SLC9A9: variants seen among roughly 807,000 people sequenced by gnomAD.
The protein encoded by SLC9A9 is sodium/hydrogen exchanger 9.
A neutral mutation model predicts 77.8 loss-of-function variants in SLC9A9; 62 were observed. The observed-to-expected ratio is 0.80, with a 90% CI of 0.65 to 0.98. SLC9A9 has a LOEUF of 0.98. Among genes scored for constraint, SLC9A9 ranks in the 50% least tolerant of loss-of-function variants. SLC9A9 has a pLI of 0.00. For missense variants in SLC9A9, 775 were observed against 774.9 expected (o/e 1.00, Z 0.00); for synonymous variants, 320 against 283.5 (o/e 1.13, Z -1.29).
chr3:143,517,964 A>ATT, intron 9 of SLC9A9: 1 of 1,460,476 alleles, frequency 6.8e-7, no homozygotes, highest in African/African-American at 1.4e-5. Flanking sequence ...GTCTGGTTCA[A>ATT]TCACACCTTC....
chr3:143,778,316 C>T (rs1422685216), intron 4 of SLC9A9, among the ~76,000 whole-genome samples: 3 of 152,174 alleles, frequency 2.0e-5, no homozygotes, highest in Non-Finnish European at 2.9e-5. Context: ...ATGCTCCTAA[C>T]TAAATTGTCT....
At chr3:143,423,212 C>T (rs1305183644) in intron 12 of SLC9A9, among the ~76,000 whole-genome samples, 11 of 89,732 alleles carry the variant, frequency 1.2e-4, no homozygotes, top group Admixed American at 5.7e-4. Flanking sequence ...CCCTCACACA[C>T]ACGTACACAC....
intron 9 of SLC9A9, among the ~76,000 whole-genome samples, chr3:143,522,110 C>T (rs777334027): frequency 2.0e-5 from 3 of 152,092 alleles, no homozygotes; most frequent in Admixed American, 6.6e-5. Context: ...TTGTGTCTCT[C>T]GACCTCATAG....
chr3:143,301,682 A>G (rs1045258909), intron 14 of SLC9A9, among the ~76,000 whole-genome samples: 17 of 152,164 alleles, frequency 1.1e-4, no homozygotes, highest in African/African-American at 4.1e-4. Context: ...TTGAAGTAGT[A>G]TAGGGCACAG....
intron 11 of SLC9A9, among the ~76,000 whole-genome samples, chr3:143,492,636 T>C (rs1011748495): frequency 6.6e-6 from 1 of 152,232 alleles, no homozygotes; most frequent in Non-Finnish European, 1.5e-5. Context: ...CCAAGTTTCA[T>C]AACCTTTTTG....
In SLC9A9 at chr3:143,570,299, G is replaced by A. The variant is rs556697116; in HGVS notation, c.1000+3789C>T. ...CATAAAAATATAATAAATGTAAACC[G>A]GAAGAAAATGGAACTTGATTATCAA... On this transcript the variant is annotated intron_variant, in intron 8 of 15. Transcript: ENST00000316549. Among the ~76,000 whole-genome samples, 462 of 152,078 alleles carry A rather than the reference G, an allele frequency of 3.0e-3. 2 individuals are homozygous for A. Among genetic ancestry groups the A allele is most frequent in the African/African-American group, 9.6e-3 (399 of 41,470 alleles).
intron 4 of SLC9A9, among the ~76,000 whole-genome samples, chr3:143,729,251 G>A (rs1028089381): frequency 2.6e-5 from 4 of 152,150 alleles, no homozygotes; most frequent in Non-Finnish European, 4.4e-5. Context: ...TCACTGTGTT[G>A]GCCCTGGAAT....
At chr3:143,724,218 G>C (rs1356077285) in intron 4 of SLC9A9, among the ~76,000 whole-genome samples, 1 of 152,176 alleles carries the variant, frequency 6.6e-6, no homozygotes, top group Admixed American at 6.5e-5. Context: ...GTTCTCACTA[G>C]ATCTGATGGT....
chr3:143,269,060 G>A (rs1937823221), intron 14 of SLC9A9, 80 bp from the exon 15 acceptor site: 2 of 1,069,284 alleles, frequency 1.9e-6, no homozygotes, highest in Middle Eastern at 2.0e-4. Flanking sequence ...TTTGTATGCT[G>A]AGACAGCTAC....
At chr3:143,806,713 G>T (rs937111620) in intron 2 of SLC9A9, among the ~76,000 whole-genome samples, 8 of 150,328 alleles carry the variant, frequency 5.3e-5, no homozygotes, top group East Asian at 2.0e-4. Context: ...GTTACCAGAG[G>T]CTGGGAAGGG....
chr3:143,628,758 T>G (rs1249361689), intron 6 of SLC9A9, among the ~76,000 whole-genome samples: 1 of 152,184 alleles, frequency 6.6e-6, no homozygotes, highest in Non-Finnish European at 1.5e-5. Flanking sequence ...GTATCAGAGT[T>G]CATAACATAA....
intron 9 of SLC9A9, among the ~76,000 whole-genome samples, chr3:143,505,095 A>T (rs571234161): frequency 6.6e-6 from 1 of 152,222 alleles, no homozygotes; most frequent in East Asian, 1.9e-4. Flanking sequence ...AAAACTTAAA[A>T]GGTAAATTTC....
chr3:143,759,256 A>T (rs895215404), intron 4 of SLC9A9, among the ~76,000 whole-genome samples: 2 of 152,100 alleles, frequency 1.3e-5, no homozygotes, highest in Non-Finnish European at 2.9e-5. Context: ...TGGGTTCAGA[A>T]GCCCTGTGTG....
chr3:143,286,771 G>A (rs1938392990), intron 14 of SLC9A9, among the ~76,000 whole-genome samples: 1 of 152,090 alleles, frequency 6.6e-6, no homozygotes, highest in African/African-American at 2.4e-5. Flanking sequence ...GGCATCTTCT[G>A]GTGCTTTCCC....
intron 12 of SLC9A9, among the ~76,000 whole-genome samples, chr3:143,446,098 G>T (rs991047815): frequency 6.6e-6 from 1 of 152,054 alleles, no homozygotes; most frequent in Non-Finnish European, 1.5e-5. Context: ...AAAAATAAAA[G>T]TAATTAATCT....
intron 4 of SLC9A9, among the ~76,000 whole-genome samples, chr3:143,720,783 C>G (rs1029203886): frequency 6.6e-6 from 1 of 152,236 alleles, no homozygotes; most frequent in Admixed American, 6.5e-5. Context: ...TGGAAAGTGC[C>G]TGTCTTAGGT....
chr3:143,810,025 G>T (rs1055944341), intron 2 of SLC9A9, among the ~76,000 whole-genome samples: 7 of 152,126 alleles, frequency 4.6e-5, no homozygotes, highest in Non-Finnish European at 1.0e-4. Flanking sequence ...GAAACATTAC[G>T]TATGTCTTAT....
chr3:143,631,767 G>A (rs1030048568), intron 6 of SLC9A9, among the ~76,000 whole-genome samples: 4 of 152,044 alleles, frequency 2.6e-5, no homozygotes, highest in African/African-American at 9.7e-5. Context: ...ACATCTTCCA[G>A]TTTTTCCAAA....
chr3:143,639,700 C>T (rs2038588831), intron 6 of SLC9A9, among the ~76,000 whole-genome samples: 2 of 152,074 alleles, frequency 1.3e-5, no homozygotes, highest in Non-Finnish European at 1.5e-5. Context: ...TTTCAAAGAC[C>T]CATTGGATAA....
Sources: allele counts gnomAD v4.1 joint callset (sites outside exome capture counted in the v4.1 genomes callset), GRCh38; gene constraint gnomAD v4.1.1; transcripts MANE v1.5; gene names NCBI Gene and HGNC (gene_info 2026-07-23, HGNC 2026-07-21).